Variants in KCNIP4 observed in about 807,000 individuals in gnomAD.
The protein encoded by KCNIP4 is potassium voltage-gated channel interacting protein 4, also known as Kv channel-interacting protein 4.
A neutral mutation model predicts 34.0 loss-of-function variants in KCNIP4; 12 were observed. That is an observed-to-expected ratio of 0.35 (90% confidence interval 0.23 to 0.57). The LOEUF (loss-of-function observed/expected upper bound fraction) is 0.57. KCNIP4 is among the 20% of genes least tolerant of loss of function. The pLI is 0.83. For missense variants in KCNIP4, 238 were observed against 311.7 expected (o/e 0.76, Z 1.78); for synonymous variants, 124 against 102.2 (o/e 1.21, Z -1.29).
chr4:20,780,958 A>C (rs1756817767), intron 3 of KCNIP4, among the ~76,000 whole-genome samples: 1 of 152,218 alleles, frequency 6.6e-6, no homozygotes, highest in Admixed American at 6.5e-5. Context: ...CAGGGTGGCT[A>C]CAAAGGAATC....
chr4:21,075,733 A>C (rs993193499), intron 1 of KCNIP4, among the ~76,000 whole-genome samples: 1 of 152,106 alleles, frequency 6.6e-6, no homozygotes, highest in Non-Finnish European at 1.5e-5. Flanking sequence ...TCTTCCTAGC[A>C]TCGATGGTCT....
At chr4:21,850,406 T>C (rs550403711) in intron 1 of KCNIP4, 29 of 151,964 alleles carry the variant, frequency 1.9e-4, no homozygotes, top group Admixed American at 5.9e-4. Flanking sequence ...AATTCCTGGG[T>C]TAATGGTTTA....
At chr4:21,568,176 G>A (rs1740065586) in intron 1 of KCNIP4, among the ~76,000 whole-genome samples, 2 of 151,980 alleles carry the variant, frequency 1.3e-5, no homozygotes, top group South Asian at 4.2e-4. Flanking sequence ...AATCCTGGTG[G>A]ACCCCAAATT....
At chr4:21,389,348 A>C (rs1722326083) in intron 1 of KCNIP4, among the ~76,000 whole-genome samples, 1 of 151,854 alleles carries the variant, frequency 6.6e-6, no homozygotes, top group African/African-American at 2.4e-5. Flanking sequence ...ACATGTGCAC[A>C]ATGTGCAGGT....
intron 1 of KCNIP4, among the ~76,000 whole-genome samples, chr4:21,636,533 G>A (rs1380526098): frequency 6.6e-6 from 1 of 152,094 alleles, no homozygotes; most frequent in African/African-American, 2.4e-5. Flanking sequence ...TTAAACACCT[G>A]GTGTGGAGGC....
intron 1 of KCNIP4, among the ~76,000 whole-genome samples, chr4:21,242,811 C>G (rs185529807): frequency 2.0e-5 from 3 of 152,174 alleles, no homozygotes; most frequent in Admixed American, 1.3e-4. Context: ...TGAAACTTCT[C>G]AGCCTCTATA....
chr4:21,504,475 A>AAAAGAAAGAAAAAGAAAG (rs1733648625), intron 1 of KCNIP4, among the ~76,000 whole-genome samples: 1 of 101,852 alleles, frequency 9.8e-6, no homozygotes, highest in African/African-American at 3.9e-5. Flanking sequence ...CAAAAAAAAA[A>AAAAGAAAGAAAAAGAAAG]AAAGAAAGAA....
chr4:21,076,260 G>A (rs553302455), intron 1 of KCNIP4, among the ~76,000 whole-genome samples: 174 of 151,950 alleles, frequency 1.1e-3, no homozygotes, highest in African/African-American at 3.4e-3. Flanking sequence ...AATTCTCCCC[G>A]TCACTTTCAG....
chr4:21,142,137 C>T (rs190709724), intron 1 of KCNIP4, among the ~76,000 whole-genome samples: 33 of 120,320 alleles, frequency 2.7e-4, no homozygotes, highest in South Asian at 1.9e-3. Flanking sequence ...GGCGACAGTG[C>T]GAGACACCGT....
intron 1 of KCNIP4, among the ~76,000 whole-genome samples, chr4:21,741,962 T>C (rs1234036794): frequency 6.6e-6 from 1 of 152,034 alleles, no homozygotes; most frequent in Non-Finnish European, 1.5e-5. Context: ...GCTTGAACCC[T>C]GGAGTCAGAG....
chr4:21,312,107 G>A (rs954195506), intron 1 of KCNIP4, among the ~76,000 whole-genome samples: 5 of 152,152 alleles, frequency 3.3e-5, no homozygotes, highest in Non-Finnish European at 4.4e-5. Flanking sequence ...GGTAAAGGTA[G>A]TTAAATGGAG....
At chr4:21,037,901 C>T (rs1741593581) in intron 1 of KCNIP4, among the ~76,000 whole-genome samples, 1 of 152,188 alleles carries the variant, frequency 6.6e-6, no homozygotes, top group African/African-American at 2.4e-5. Context: ...ATGACTTCCA[C>T]TGTGTTTCTC....
chr4:20,958,830 T>A (rs1733570917), intron 1 of KCNIP4, among the ~76,000 whole-genome samples: 1 of 152,154 alleles, frequency 6.6e-6, no homozygotes, highest in Non-Finnish European at 1.5e-5. Flanking sequence ...GTGTGTTGGT[T>A]TTCACCAGCA....
chr4:21,431,968 A>C lies in KCNIP4; in HGVS notation c.61+516603T>G, dbSNP rs71607075. On this transcript the variant is annotated intron_variant, in intron 1 of 8. Transcript: ENST00000382152. Reference sequence around the variant, plus strand: ...ATAAATAATATTTCTCTAGTTACTGATCAATAATAATGGAGTGCAAATATG... The same window carrying C: ...ATAAATAATATTTCTCTAGTTACTGCTCAATAATAATGGAGTGCAAATATG... Among the ~76,000 whole-genome samples, 2,360 of 150,378 alleles carry C rather than the reference A, an allele frequency of 0.016. 122 individuals are homozygous for C. In the East Asian group the frequency reaches 0.16, roughly 10 times the overall value.
chr4:21,656,534 G>A (rs1747954410), intron 1 of KCNIP4: 1 of 152,164 alleles, frequency 6.6e-6, no homozygotes, highest in African/African-American at 2.4e-5. Flanking sequence ...GAAATGAACT[G>A]TAGATTTTTG....
At chr4:21,234,769 T>C (rs1443960541) in intron 1 of KCNIP4, among the ~76,000 whole-genome samples, 1 of 151,418 alleles carries the variant, frequency 6.6e-6, no homozygotes, top group East Asian at 1.9e-4. Flanking sequence ...TGCCTCAGCC[T>C]CCTGAGTAGC....
chr4:21,714,437 G>GT (rs1713991447), intron 1 of KCNIP4, among the ~76,000 whole-genome samples: 1 of 151,718 alleles, frequency 6.6e-6, no homozygotes, highest in East Asian at 2.0e-4. Flanking sequence ...GGGGAAGGGG[G>GT]CAAAAAGAAG....
chr4:21,903,133 C>T (rs1474155191), intron 1 of KCNIP4, among the ~76,000 whole-genome samples: 1 of 152,120 alleles, frequency 6.6e-6, no homozygotes, highest in African/African-American at 2.4e-5. Context: ...AATTCAGTGT[C>T]TCTAATCTCT....
Position 20,984,604 on chromosome 4 carries a change from A to G in KCNIP4, c.62-101895T>C, listed in dbSNP as rs188328286. Reference sequence around the variant, plus strand: ...CGTGATTCAATGACTTTGTCAAACGAGAACACCTGAGCCTCCCCCGCCACG... The same window carrying G: ...CGTGATTCAATGACTTTGTCAAACGGGAACACCTGAGCCTCCCCCGCCACG... On this transcript the variant is annotated intron_variant, in intron 1 of 8. Transcript: ENST00000382152. 3.2e-4 allele frequency among the ~76,000 whole-genome samples: 48 copies of G among 152,300 alleles called. No individual in the cohort carries two copies. The East Asian group carries it at 6.6e-3, about 21-fold the overall frequency.
Sources: gnomAD v4.1 joint callset for allele counts (sites outside exome capture counted in the v4.1 genomes callset) on GRCh38, gnomAD v4.1.1 for gene constraint, MANE v1.5 for transcripts, NCBI Gene and HGNC (gene_info 2026-07-23, HGNC 2026-07-21) for gene names.